RIMS1: variants seen among roughly 807,000 people sequenced by gnomAD.
RIMS1 encodes the protein regulating synaptic membrane exocytosis protein 1.
Under a neutral mutation model 214.1 loss-of-function variants are expected in RIMS1, and 83 were observed. The ratio of observed to expected loss-of-function variants is 0.39; its 90% CI spans 0.32 to 0.47. The LOEUF (loss-of-function observed/expected upper bound fraction) is 0.47. RIMS1 is among the 20% of genes least tolerant of loss of function. The probability of loss-of-function intolerance (pLI) is 0.99; values close to 1 mark genes in which losing one functional copy is unlikely to be tolerated. For missense variants in RIMS1, 2,050 were observed against 2,161.8 expected, an observed-to-expected ratio of 0.95 and a Z score of 1.03; for synonymous variants, 793 against 786.8, an observed-to-expected ratio of 1.01 and a Z score of -0.13.
intron 27 of RIMS1, among the ~76,000 whole-genome samples, chr6:72,309,325 C>T (rs889096209): frequency 1.3e-5 from 2 of 152,046 alleles, no homozygotes; most frequent in African/African-American, 4.8e-5. Context: ...TTGAAAATAA[C>T]TCAAAATCTT....
chr6:72,117,654 A>G (rs1222822143), intron 4 of RIMS1, among the ~76,000 whole-genome samples: 1 of 152,040 alleles, frequency 6.6e-6, no homozygotes, highest in Non-Finnish European at 1.5e-5. Context: ...ATGGAAATTA[A>G]ATAATATACT....
chr6:72,225,660 G>C (rs1474139371), intron 6 of RIMS1, among the ~76,000 whole-genome samples: 1 of 152,152 alleles, frequency 6.6e-6, no homozygotes, highest in Non-Finnish European at 1.5e-5. Flanking sequence ...TTTCCTGGCT[G>C]GTTATTCCGA....
intron 2 of RIMS1, among the ~76,000 whole-genome samples, chr6:72,005,301 G>A (rs1247859154): frequency 6.6e-6 from 1 of 152,194 alleles, no homozygotes; most frequent in Non-Finnish European, 1.5e-5. Context: ...AAGTCAGGTA[G>A]CGTGATGCCT....
intron 2 of RIMS1, among the ~76,000 whole-genome samples, chr6:72,027,997 C>G (rs1290332553): frequency 1.3e-5 from 2 of 152,070 alleles, no homozygotes; most frequent in East Asian, 3.8e-4. Context: ...TGCAAAATTA[C>G]TTATCTTTAG....
At chr6:72,331,509 A>C (rs1382242909) in intron 28 of RIMS1, among the ~76,000 whole-genome samples, 1 of 151,828 alleles carries the variant, frequency 6.6e-6, no homozygotes, top group Non-Finnish European at 1.5e-5. Flanking sequence ...ATTTCTGTAG[A>C]TTCTCCAGCA....
At chr6:72,157,540 A>T (rs1298224305) in intron 4 of RIMS1, among the ~76,000 whole-genome samples, 1 of 140,304 alleles carries the variant, frequency 7.1e-6, no homozygotes, top group African/African-American at 2.5e-5. Context: ...CATCTCTAGT[A>T]AGGTTTACTG....
At chr6:72,368,190 G>A (rs1345248101) in intron 29 of RIMS1, among the ~76,000 whole-genome samples, 1 of 151,538 alleles carries the variant, frequency 6.6e-6, no homozygotes, top group Non-Finnish European at 1.5e-5. Context: ...ATATTTATAG[G>A]CAGCAAGAAA....
intron 2 of RIMS1, among the ~76,000 whole-genome samples, chr6:72,043,198 A>C (rs1450108729): frequency 4.0e-5 from 6 of 151,630 alleles, no homozygotes; most frequent in African/African-American, 9.7e-5. Context: ...GATCACTTAC[A>C]TCACTGACAC....
At chr6:72,209,099 C>T (rs936091604) in intron 6 of RIMS1, among the ~76,000 whole-genome samples, 5 of 152,170 alleles carry the variant, frequency 3.3e-5, no homozygotes, top group Admixed American at 3.3e-4. Context: ...TACTCATATT[C>T]ATTTATATTA....
chr6:71,954,548 A>G (rs1465261991), intron 1 of RIMS1, among the ~76,000 whole-genome samples: 1 of 152,184 alleles, frequency 6.6e-6, no homozygotes, highest in Non-Finnish European at 1.5e-5. Flanking sequence ...TTTTCTTTGA[A>G]AAAGTGTATT....
intron 4 of RIMS1, among the ~76,000 whole-genome samples, chr6:72,168,500 G>T (rs2046576749): frequency 1.3e-5 from 2 of 152,100 alleles, no homozygotes; most frequent in South Asian, 4.1e-4. Flanking sequence ...GTCCACATGT[G>T]CAGTGGCGTG....
At chr6:72,313,387 G>A in intron 27 of RIMS1, 119 bp from the exon 28 acceptor site, 1 of 751,990 alleles carries the variant, frequency 1.3e-6, no homozygotes. Flanking sequence ...AGATATTACA[G>A]CTACTCTTAT....
chr6:72,325,631 T>A (rs2096422979), intron 28 of RIMS1, among the ~76,000 whole-genome samples: 1 of 151,760 alleles, frequency 6.6e-6, no homozygotes, highest in Non-Finnish European at 1.5e-5. Context: ...TAGAAATAAA[T>A]CTAAGACCTA....
intron 6 of RIMS1, chr6:72,216,486 A>C: frequency 1.0e-6 from 1 of 985,402 alleles, no homozygotes; most frequent in Non-Finnish European, 1.2e-6. Flanking sequence ...CCAACAATCA[A>C]TTGTGTATAC....
intron 6 of RIMS1, among the ~76,000 whole-genome samples, chr6:72,194,444 T>C (rs974862495): frequency 6.6e-6 from 1 of 152,154 alleles, no homozygotes; most frequent in Non-Finnish European, 1.5e-5. Flanking sequence ...TTTGTTCTTA[T>C]GTTTGTTAAA....
chr6:72,254,106 C>T (rs764723984), intron 16 of RIMS1, among the ~76,000 whole-genome samples: 29 of 152,030 alleles, frequency 1.9e-4, no homozygotes, highest in South Asian at 6.2e-4. Flanking sequence ...CCTCATGATC[C>T]GCCCACCTCG....
At position 72,379,769 on chromosome 6, in the gene RIMS1, G is replaced by T. The variant is rs528014449; in HGVS notation, c.4367-10829G>T. Among the ~76,000 whole-genome samples, 6 of 152,196 alleles carry T rather than the reference G, an allele frequency of 3.9e-5. No individual in the cohort carries two copies. The South Asian group carries it at 1.2e-3, about 32-fold the overall frequency. The stretch of plus-strand genomic sequence containing the variant: ...AGATGAGGAAACTAAGGTGTAAAAG[G>T]CTCAGTAGGCTGCCTGCAGGCACAG... On this transcript the variant is annotated intron_variant, in intron 29 of 33. Transcript: ENST00000521978.
At chr6:72,087,569 G>A (rs1834981948) in intron 2 of RIMS1, among the ~76,000 whole-genome samples, 1 of 152,170 alleles carries the variant, frequency 6.6e-6, no homozygotes, top group African/African-American at 2.4e-5. Context: ...ATAATAAGCA[G>A]ATGTCATCAT....
chr6:72,094,130 T>C (rs2030281554), intron 2 of RIMS1, among the ~76,000 whole-genome samples: 1 of 122,162 alleles, frequency 8.2e-6, no homozygotes, highest in South Asian at 2.9e-4. Flanking sequence ...GACTTTTTTC[T>C]CAAAACAGAC....
Sources: gnomAD v4.1 joint callset for allele counts (sites outside exome capture counted in the v4.1 genomes callset) on GRCh38, gnomAD v4.1.1 for gene constraint, MANE v1.5 for transcripts, NCBI Gene and HGNC (gene_info 2026-07-23, HGNC 2026-07-21) for gene names.